Variants in TUBGCP3 observed in about 807,000 individuals in gnomAD.
TUBGCP3 encodes the protein gamma-tubulin complex component 3.
A neutral mutation model predicts 123.1 loss-of-function variants in TUBGCP3; 50 were observed. The observed-to-expected ratio is 0.41, with a 90% CI of 0.32 to 0.51. The LOEUF is 0.51. TUBGCP3 is among the 20% of genes least tolerant of loss of function. The pLI, the probability that TUBGCP3 is intolerant of heterozygous loss-of-function variation, is 0.36. For missense variants in TUBGCP3, 882 were observed against 1,127.0 expected (o/e 0.78, Z 3.11); for synonymous variants, 405 against 413.9 (o/e 0.98, Z 0.26).
intron 1 of TUBGCP3, among the ~76,000 whole-genome samples, chr13:112,570,253 A>G (rs9324313): frequency 0.45 from 68,348 of 152,074 alleles, 19,765 homozygotes; most frequent in African/African-American, 0.83. Context: ...TTTGTCTATG[A>G]GAAAACTGAT....
Position 112,504,724 on chromosome 13 carries a change from A to T in TUBGCP3, c.2087-10T>A. The T allele has an allele frequency of 6.2e-7, 1 of 1,611,450 alleles. No homozygotes were observed. The highest frequency in any genetic ancestry group is 8.5e-7 in the Non-Finnish European group (1 of 1,178,014). On this transcript the variant is annotated splice_polypyrimidine_tract_variant and intron_variant, in intron 17 of 21. Transcript: ENST00000261965. ...AGCACCCCGGAGAACTCTGCAAGGG[A>T]AGAGTTGACGTCAGAGGTGCAATGC...
chr13:112,598,035 A>G, the TUBGCP3 span, among the ~76,000 whole-genome samples: 13 of 152,322 alleles, frequency 8.5e-5, no homozygotes, highest in African/African-American at 2.9e-4. Flanking sequence ...GCAAAAACAG[A>G]GACAGTCTTA....
At chr13:112,509,807 T>C (rs571532908) in intron 17 of TUBGCP3, among the ~76,000 whole-genome samples, 9 of 152,326 alleles carry the variant, frequency 5.9e-5, no homozygotes, top group African/African-American at 1.9e-4. Flanking sequence ...CTACAGGCAA[T>C]AGTATTTCTG....
intron 2 of TUBGCP3, among the ~76,000 whole-genome samples, chr13:112,566,799 T>C (rs2139264877): frequency 6.6e-6 from 1 of 152,346 alleles, no homozygotes; most frequent in South Asian, 2.1e-4. Flanking sequence ...ATTAAATTGA[T>C]TCTCTATTAA....
chr13:112,563,200 C>T (rs1044048994), intron 3 of TUBGCP3, among the ~76,000 whole-genome samples: 2 of 152,192 alleles, frequency 1.3e-5, no homozygotes, highest in African/African-American at 4.8e-5. Context: ...ACAACAAGAG[C>T]AAACATTCGA....
chr13:112,593,278 C>A, the TUBGCP3 span, among the ~76,000 whole-genome samples: 5 of 151,894 alleles, frequency 3.3e-5, no homozygotes, highest in Admixed American at 3.3e-4. Context: ...ATTAGCTGGG[C>A]GTAGTTGTAC....
intron 13 of TUBGCP3, 49 bp from the exon 14 acceptor site, chr13:112,522,558 T>G: frequency 6.4e-7 from 1 of 1,555,660 alleles, no homozygotes; most frequent in East Asian, 2.3e-5. Context: ...AATTTGTATT[T>G]CCACAGAGGA....
chr13:112,549,486 TAAA>T (rs907190970), intron 8 of TUBGCP3, among the ~76,000 whole-genome samples: 53 of 148,660 alleles, frequency 3.6e-4, no homozygotes, highest in African/African-American at 1.3e-3. Flanking sequence ...GGTATAATAA[TAAA>T]AAAATTAATT....
intron 2 of TUBGCP3, 118 bp from the exon 3 acceptor site, chr13:112,565,296 C>T (rs1880869462): frequency 1.2e-6 from 1 of 843,806 alleles, no homozygotes; most frequent in African/African-American, 1.7e-5. Context: ...TCAAAAGTCA[C>T]TGTCAAATTA....
chr13:112,562,679 C>T, intron 3 of TUBGCP3, among the ~76,000 whole-genome samples: 1 of 152,180 alleles, frequency 6.6e-6, no homozygotes, highest in Non-Finnish European at 1.5e-5. Flanking sequence ...TCCCACCACT[C>T]TGGCAGTACA....
chr13:112,538,026 CCA>C (rs369155333), intron 11 of TUBGCP3, among the ~76,000 whole-genome samples: 7 of 152,336 alleles, frequency 4.6e-5, no homozygotes, highest in African/African-American at 1.7e-4. Flanking sequence ...CTTGTGGCCT[CCA>C]CAGTTTCTGA....
intron 1 of TUBGCP3, among the ~76,000 whole-genome samples, chr13:112,569,951 T>C (rs993648028): frequency 1.3e-5 from 2 of 151,794 alleles, no homozygotes; most frequent in Non-Finnish European, 2.9e-5. Context: ...GAGGAATAAA[T>C]GTCAAGAAGA....
Position 112,578,558 on chromosome 13 carries a change from C to CAAAA in TUBGCP3, c.77-9303_77-9300dup, listed in dbSNP as rs71131496. Among the ~76,000 whole-genome samples, 66 of 24,898 alleles carry CAAAA rather than the reference C, an allele frequency of 2.7e-3. 7 individuals are homozygous for CAAAA. Among genetic ancestry groups the CAAAA allele is most frequent in the African/African-American group, 8.0e-3 (54 of 6,750 alleles). The allele number at this position is 24,898 out of a possible 152,430, so 16.3% of individuals were successfully genotyped here. ...TGGGCGAAAGAGTGAGACTCCGTCTCAAAAAAAAAAAAAAAAAAAAAAAAA... is the reference window on the plus strand; with the variant it reads ...TGGGCGAAAGAGTGAGACTCCGTCTCAAAAAAAAAAAAAAAAAAAAAAAAAAAAA... On this transcript the variant is annotated intron_variant, in intron 1 of 21. Coordinates refer to ENST00000261965, the MANE Select transcript of TUBGCP3 (RefSeq NM_006322.6).
At chr13:112,547,876 T>TAAA in intron 9 of TUBGCP3, 124 bp from the exon 10 acceptor site, 1 of 1,112,238 alleles carries the variant, frequency 9.0e-7, no homozygotes, top group Non-Finnish European at 1.2e-6. Context: ...AAGTCCCCTT[T>TAAA]AAAAAAAAAT....
At chr13:112,590,113 A>T (rs1882854320), upstream of TUBGCP3, among the ~76,000 whole-genome samples, 1 of 151,664 alleles carries the variant, frequency 6.6e-6, no homozygotes, top group African/African-American at 2.4e-5. Flanking sequence ...ACTAGCTGGG[A>T]CTACAGGCAC....
chr13:112,554,162 C>T lies in TUBGCP3; in HGVS notation c.861G>A (p.Leu287=). ...CAGAAAGCCTGACTGCTGTGTCTCT[C>T]AAAGACCTACTTAGATTTGCCTAAA... ...VEGKANLSRS[L]RDTAVRLSEL... The change falls in exon 8 of 22, where the codon TTG becomes TTA. Residue 287 remains leucine, a synonymous_variant. Transcript: ENST00000261965. 1 of 1,614,076 alleles carries T rather than the reference C, an allele frequency of 6.2e-7. No individual in the cohort carries two copies. The highest frequency in any genetic ancestry group is 8.5e-7 in the Non-Finnish European group (1 of 1,180,004).
At chr13:112,528,375 A>C (rs1877305445) in intron 11 of TUBGCP3, among the ~76,000 whole-genome samples, 1 of 152,198 alleles carries the variant, frequency 6.6e-6, no homozygotes, top group Non-Finnish European at 1.5e-5. Context: ...TCCCACGGGC[A>C]AGATGTCCTG....
Position 112,519,672 on chromosome 13 carries a change from T to C in TUBGCP3, c.1881+214A>G, listed in dbSNP as rs1594135753. 6.6e-6 allele frequency among the ~76,000 whole-genome samples: 1 copy of C among 152,336 alleles called. No individual in the cohort carries two copies. Among genetic ancestry groups the C allele is most frequent in the African/African-American group, 2.4e-5 (1 of 41,582 alleles). On this transcript the variant is annotated intron_variant, in intron 15 of 21. Coordinates refer to ENST00000261965, the MANE Select transcript of TUBGCP3 (RefSeq NM_006322.6). This position sits in a 1 kb window ranked among gnomAD's most constrained non-coding sequence, Gnocchi z 6.2. ...CCCTGCAAGGCTCCCCGCTGCAAGATGGGCAAACGGAAACCCAGATGGTGG... is the reference window on the plus strand; with the variant it reads ...CCCTGCAAGGCTCCCCGCTGCAAGACGGGCAAACGGAAACCCAGATGGTGG...
At chr13:112,547,918 C>A (rs535493271) in intron 9 of TUBGCP3, among the ~76,000 whole-genome samples, 166 bp from the exon 10 acceptor site, 1 of 152,112 alleles carries the variant, frequency 6.6e-6, no homozygotes, top group South Asian at 2.1e-4. Context: ...ACCGGTAGAA[C>A]CCCGAAAATT....
Sources: gnomAD v4.1 joint callset for allele counts (sites outside exome capture counted in the v4.1 genomes callset) on GRCh38, gnomAD v4.1.1 for gene constraint, Gnocchi (gnomAD v3.1) non-coding constraint, MANE v1.5 for transcripts, NCBI Gene and HGNC (gene_info 2026-07-23, HGNC 2026-07-21) for gene names.